The following SLPI variants were observed in gnomAD, a reference collection of about 807,000 sequenced individuals.
SLPI encodes secretory leukocyte peptidase inhibitor.
SLPI carries 20 observed loss-of-function variants against 14.3 expected under a neutral mutation model. The observed-to-expected ratio is 1.40, with a 90% CI of 0.99 to 2.04. The LOEUF is 2.04. Among genes scored for constraint, SLPI ranks in the 30% most tolerant of loss-of-function variants. SLPI has a pLI of 0.00. For missense variants in SLPI, 169 were observed against 159.4 expected (o/e 1.06, Z -0.32); for synonymous variants, 68 against 54.8 (o/e 1.24, Z -1.07).
intron 2 of SLPI, 150 bp from the exon 3 acceptor site, chr20:45,253,301 C>A (rs1364233069): frequency 1.0e-6 from 1 of 1,002,192 alleles, no homozygotes; most frequent in Non-Finnish European, 1.4e-6. Flanking sequence ...CCTAAGGCGG[C>A]CCCCAAACAT....
In SLPI at chr20:45,252,441, G is replaced by A. The variant is rs368445364; in HGVS notation, c.395-22C>T. 505 of 1,613,570 alleles carry A rather than the reference G, an allele frequency of 3.1e-4. 1 individual carries two copies. The African/African-American group carries it at 5.9e-3, about 19-fold the overall frequency. ...CAAGCTGTGAGAGAAAATCAGATAA[G>A]AGCTTCAGCATAGAAACCAGCCAAA... On this transcript the variant is annotated intron_variant, in intron 3 of 3. Coordinates refer to ENST00000338380, the MANE Select transcript of SLPI (RefSeq NM_003064.4).
chr20:45,254,027 T>C (rs1444141208), intron 1 of SLPI, among the ~76,000 whole-genome samples: 6 of 151,776 alleles, frequency 4.0e-5, no homozygotes, highest in Non-Finnish European at 8.8e-5. Context: ...CTGGGAGTGA[T>C]GGAGATGGAG....
intron 3 of SLPI, among the ~76,000 whole-genome samples, 161 bp from the exon 4 acceptor site, chr20:45,252,580 T>C (rs1984692307): frequency 1.3e-5 from 2 of 152,222 alleles, no homozygotes; most frequent in African/African-American, 4.8e-5. Context: ...ATTTTCACCG[T>C]AAAACTCTAA....
chr20:45,253,045 A>G lies in SLPI; in HGVS notation c.351T>C (p.Cys117=), dbSNP rs1383632634. The stretch of plus-strand genomic sequence containing the variant: ...AGGATTTCCCACACATGCCCATGCA[A>G]CACTTCAAGTCACGCTTGCACTGGC... ...MDGQCKRDLK[C]CMGMCGKSCV... The change falls in exon 3 of 4, where the codon TGT becomes TGC. Residue 117 remains cysteine, a synonymous_variant. Coordinates refer to ENST00000338380, the MANE Select transcript of SLPI (RefSeq NM_003064.4). The G allele has an allele frequency of 1.2e-6, 2 of 1,614,076 alleles. No homozygotes were observed. Among genetic ancestry groups the G allele is most frequent in the South Asian group, 1.1e-5 (1 of 91,088 alleles).
At chr20:45,252,769 C>T (rs1053932442) in intron 3 of SLPI, among the ~76,000 whole-genome samples, 1 of 152,210 alleles carries the variant, frequency 6.6e-6, no homozygotes, top group Non-Finnish European at 1.5e-5. Flanking sequence ...CAGAAAGACA[C>T]TTGCCCAGGA....
chr20:45,253,613 C>T lies in SLPI; in HGVS notation c.206G>A (p.Gly69Asp), dbSNP rs1205836955. 1 of 1,614,120 alleles carries T rather than the reference C, an allele frequency of 6.2e-7. No homozygotes were observed. The highest frequency in any genetic ancestry group is 1.7e-5 in the Admixed American group (1 of 60,022). ...GTCAACAGGATCCAGGCATTTGATG[C>T]CACAAGTGTCAGGACAACATCTCTT... ...GKKRCCPDTCGIKCLDPVDTP... is the reference protein window; with the variant it reads ...GKKRCCPDTCDIKCLDPVDTP... The change falls in exon 2 of 4, where the codon GGC becomes GAC. Residue 69 changes from glycine (G) to aspartate (D), a missense_variant. Coordinates refer to ENST00000338380, the MANE Select transcript of SLPI (RefSeq NM_003064.4).
chr20:45,252,520 G>T, intron 3 of SLPI, 101 bp from the exon 4 acceptor site: 1 of 1,202,210 alleles, frequency 8.3e-7, no homozygotes, highest in Non-Finnish European at 1.2e-6. Context: ...AGAGAAAATA[G>T]CAAGATAGCG....
chr20:45,253,235 T>G, intron 2 of SLPI, 84 bp from the exon 3 acceptor site: 1 of 1,506,562 alleles, frequency 6.6e-7, no homozygotes, highest in Non-Finnish European at 9.0e-7. Context: ...GAGCCCCTGC[T>G]CCAGCTTCAG....
In SLPI at chr20:45,253,161, A is replaced by T. The variant is rs1984714011; in HGVS notation, c.245-10T>A. ...CCAGGCTTCCTCCTTGCTGGGTGAG[A>T]GTGAGGCTACCGGTCAGAGGCCTTG... On this transcript the variant is annotated splice_polypyrimidine_tract_variant and intron_variant, in intron 2 of 3. Transcript: ENST00000338380. 6.2e-7 allele frequency: 1 copy of T among 1,613,280 alleles called. No homozygotes were observed. The highest frequency in any genetic ancestry group is 1.1e-5 in the South Asian group (1 of 90,988).
Position 45,252,361 on chromosome 20 carries a change from A to G in SLPI, c.*54T>C. On this transcript the variant is annotated 3_prime_UTR_variant, in exon 4 of 4. Transcript: ENST00000338380. ...TGGTGGAGCCAAGTCTCAGGGTGGA[A>G]AGGACCTGGACCACACAGAGCAGGA... 6.3e-7 allele frequency: 1 copy of G among 1,598,242 alleles called. No homozygotes were observed. The highest frequency in any genetic ancestry group is 8.5e-7 in the Non-Finnish European group (1 of 1,169,928).
rs1364183159 is a variant in SLPI at position 45,253,667 on chromosome 20, C to A, written c.152G>T (p.Cys51Phe). 1.2e-6 allele frequency: 2 copies of A among 1,614,024 alleles called. No homozygotes were observed. The highest frequency in any genetic ancestry group is 4.5e-5 in the East Asian group (2 of 44,894). The change falls in exon 2 of 4, where the codon TGC becomes TTC. Residue 51 changes from cysteine to phenylalanine, a missense_variant. Physicochemically the swap from Cys to Phe is radical, Grantham distance 205 (BLOSUM62 -2). Coordinates refer to ENST00000338380, the MANE Select transcript of SLPI (RefSeq NM_003064.4). ...CCCTGGACACTGCCAGTCACTCTGG[C>A]ACTCAGGTTTCTTGTATCTAAGGCA... The part of the protein sequence containing the change: ...AQCLRYKKPE[C>F]QSDWQCPGKK...
At chr20:45,252,848 C>T (rs945630975) in intron 3 of SLPI, among the ~76,000 whole-genome samples, 154 bp downstream of exon 3, 1 of 152,090 alleles carries the variant, frequency 6.6e-6, no homozygotes, top group Admixed American at 6.5e-5. Context: ...GGCCCTGAGA[C>T]CTGGAGAACA....
At chr20:45,254,299 C>T (rs1451583037) in intron 1 of SLPI, among the ~76,000 whole-genome samples, 160 bp downstream of exon 1, 1 of 152,070 alleles carries the variant, frequency 6.6e-6, no homozygotes, top group Non-Finnish European at 1.5e-5. Flanking sequence ...AACTGTCACA[C>T]AAACCTTGGA....
chr20:45,252,241 C>A lies in SLPI; in HGVS notation c.*174G>T, dbSNP rs1984682409. ...CAACGAATCACAGAAGCAGGATGTG[C>A]AAAGAGAAATAGGCTCGTTTATTTA... On this transcript the variant is annotated 3_prime_UTR_variant, in exon 4 of 4. Coordinates refer to ENST00000338380, the MANE Select transcript of SLPI (RefSeq NM_003064.4). 4 of 581,374 alleles carry A rather than the reference C, an allele frequency of 6.9e-6. No individual in the cohort carries two copies. The highest frequency in any genetic ancestry group is 1.2e-5 in the Non-Finnish European group (4 of 333,002). 36.0% of individuals were successfully genotyped at this position (581,374 alleles called of 1,614,324 possible).
At chr20:45,253,189 C>G (rs762034219) in intron 2 of SLPI, 38 bp from the exon 3 acceptor site, 4 of 1,601,550 alleles carry the variant, frequency 2.5e-6, no homozygotes, top group Non-Finnish European at 2.6e-6. Flanking sequence ...AGGCCTTGTA[C>G]TTTATACAAC....
intron 3 of SLPI, 30 bp downstream of exon 3, chr20:45,252,972 G>A: frequency 6.2e-7 from 1 of 1,608,090 alleles, no homozygotes; most frequent in Non-Finnish European, 8.5e-7. Context: ...GGGCTGGAGG[G>A]AGCTCAGTGT....
chr20:45,253,876 A>G (rs969406645), intron 1 of SLPI, 143 bp from the exon 2 acceptor site: 5 of 675,472 alleles, frequency 7.4e-6, no homozygotes, highest in African/African-American at 1.8e-5. Context: ...TGCCTGCCTG[A>G]TCTCCAGGTG....
At position 45,253,042 on chromosome 20, in the gene SLPI, G is replaced by A; in HGVS notation, c.354C>T (p.Cys118=). The A allele has an allele frequency of 6.2e-7, 1 of 1,614,182 alleles. No homozygotes were observed. Among genetic ancestry groups the A allele is most frequent in the African/African-American group, 1.3e-5 (1 of 75,056 alleles). ...DGQCKRDLKC[C]MGMCGKSCVS... The stretch of plus-strand genomic sequence containing the variant: ...CGCAGGATTTCCCACACATGCCCAT[G>A]CAACACTTCAAGTCACGCTTGCACT... Residue 118 remains cysteine, a synonymous_variant, in exon 3 of 4, where the codon TGC becomes TGT. Coordinates refer to ENST00000338380, the MANE Select transcript of SLPI (RefSeq NM_003064.4).
chr20:45,252,898 T>C, intron 3 of SLPI, 104 bp downstream of exon 3: 4 of 1,224,354 alleles, frequency 3.3e-6, no homozygotes, highest in Non-Finnish European at 4.6e-6. Flanking sequence ...GAGGCTGTGC[T>C]TGGAGTAGGG....
Sources: gnomAD v4.1 joint callset for allele counts (sites outside exome capture counted in the v4.1 genomes callset) on GRCh38, gnomAD v4.1.1 for gene constraint, MANE v1.5 for transcripts, NCBI Gene and HGNC (gene_info 2026-07-23, HGNC 2026-07-21) for gene names.